XXYLT1: variants seen among roughly 807,000 people sequenced by gnomAD.
XXYLT1 encodes UDP-xylose:alpha-xyloside alpha-1,3-xylosyltransferase.
Under a neutral mutation model 28.9 loss-of-function variants are expected in XXYLT1, and 20 were observed. The observed-to-expected ratio is 0.69, with a 90% confidence interval of 0.49 to 1.00. The LOEUF (loss-of-function observed/expected upper bound fraction) is 1.00, where lower values mean the gene tolerates loss of function less well. Ranked by LOEUF, XXYLT1 falls within the 50% of genes least tolerant of loss-of-function variation. The pLI is 0.00. For synonymous variants in XXYLT1, 257 were observed against 253.8 expected (o/e 1.01, Z -0.12); for missense variants, 542 against 560.1 (o/e 0.97, Z 0.33).
intron 3 of XXYLT1, among the ~76,000 whole-genome samples, chr3:195,113,204 G>A (rs1177622927): frequency 2.0e-5 from 3 of 152,152 alleles, no homozygotes; most frequent in Non-Finnish European, 2.9e-5. Flanking sequence ...GGATGGAGCC[G>A]CCTCAGGAAA....
At chr3:195,171,313 T>A (rs987693880) in intron 2 of XXYLT1, among the ~76,000 whole-genome samples, 3 of 152,226 alleles carry the variant, frequency 2.0e-5, no homozygotes, top group African/African-American at 7.2e-5. Context: ...TGGGGTCTGT[T>A]ACCAGCGTCC....
chr3:195,258,665 C>A (rs1725567329), intron 1 of XXYLT1, among the ~76,000 whole-genome samples: 1 of 152,166 alleles, frequency 6.6e-6, no homozygotes, highest in African/African-American at 2.4e-5. Flanking sequence ...GGCTAGGGCC[C>A]CTGGGGAAGG....
intron 3 of XXYLT1, among the ~76,000 whole-genome samples, chr3:195,097,930 T>G (rs1043176661): frequency 1.3e-5 from 2 of 149,896 alleles, no homozygotes; most frequent in Non-Finnish European, 3.0e-5. Flanking sequence ...GAAAGGCTCA[T>G]GGAAGGTACT....
chr3:195,075,560 T>A (rs1715067120), intron 3 of XXYLT1, among the ~76,000 whole-genome samples: 1 of 152,160 alleles, frequency 6.6e-6, no homozygotes, highest in Non-Finnish European at 1.5e-5. Context: ...GCAGCACCGC[T>A]CAGACAAAGC....
At chr3:195,178,173 G>A (rs538644403) in intron 2 of XXYLT1, among the ~76,000 whole-genome samples, 20 of 150,732 alleles carry the variant, frequency 1.3e-4, no homozygotes, top group Non-Finnish European at 2.2e-4. Flanking sequence ...CCCATCCCTC[G>A]CTCTTCCCCT....
intron 2 of XXYLT1, among the ~76,000 whole-genome samples, chr3:195,224,839 G>A (rs1004514049): frequency 8.5e-5 from 13 of 152,216 alleles, no homozygotes; most frequent in African/African-American, 3.1e-4. Context: ...TGGGGAAACT[G>A]GTGAGGCCAA....
At chr3:195,244,912 T>C (rs1724952313) in intron 1 of XXYLT1, among the ~76,000 whole-genome samples, 2 of 146,030 alleles carry the variant, frequency 1.4e-5, no homozygotes, top group Non-Finnish European at 1.5e-5. Flanking sequence ...ACGCCTGTGA[T>C]CCCAGCACTT....
intron 3 of XXYLT1, among the ~76,000 whole-genome samples, chr3:195,142,225 GC>G (rs915960345): frequency 6.6e-6 from 1 of 152,186 alleles, no homozygotes; most frequent in Non-Finnish European, 1.5e-5. Context: ...TTGTCCTAGT[GC>G]CCCCTCCCCA....
intron 1 of XXYLT1, among the ~76,000 whole-genome samples, chr3:195,232,113 A>G (rs1179410492): frequency 1.3e-5 from 2 of 152,090 alleles, no homozygotes; most frequent in African/African-American, 4.8e-5. Flanking sequence ...CTATCTTAGT[A>G]GGTTGTATGT....
chr3:195,164,791 A>G (rs1047329394), intron 2 of XXYLT1, among the ~76,000 whole-genome samples: 5 of 152,226 alleles, frequency 3.3e-5, no homozygotes, highest in African/African-American at 1.2e-4. Context: ...ACATTTCATG[A>G]TGGATGTGGA....
intron 3 of XXYLT1, among the ~76,000 whole-genome samples, chr3:195,109,811 T>TGTGTGTGTG (rs1348136818): frequency 1.9e-5 from 1 of 52,660 alleles, no homozygotes; most frequent in African/African-American, 6.5e-5. Context: ...GGTGTATGAG[T>TGTGTGTGTG]GTGTGTGTGG....
chr3:195,217,075 C>A (rs1050991245), intron 2 of XXYLT1, among the ~76,000 whole-genome samples: 2 of 136,232 alleles, frequency 1.5e-5, no homozygotes, highest in African/African-American at 6.7e-5. Flanking sequence ...ATGATTATCT[C>A]AATAGATGCA....
In XXYLT1 at chr3:195,204,200, G is replaced by A. The variant is rs562088148; in HGVS notation, c.652+22509C>T. On this transcript the variant is annotated intron_variant, in intron 2 of 3. Transcript: ENST00000310380. ...TCTACTAAACATACAAAGATTAGCC[G>A]GACGTGGTGGCAGACGCCTGTAGTC... 3.0e-4 allele frequency among the ~76,000 whole-genome samples: 45 copies of A among 152,092 alleles called. 1 individual carries two copies. In the South Asian group the frequency reaches 8.5e-3, roughly 29 times the overall value.
intron 3 of XXYLT1, among the ~76,000 whole-genome samples, chr3:195,104,404 C>T (rs552963988): frequency 5.8e-4 from 89 of 152,246 alleles, no homozygotes; most frequent in Non-Finnish European, 1.1e-3. Context: ...TACAATACTT[C>T]ACTTCCCAGG....
intron 2 of XXYLT1, among the ~76,000 whole-genome samples, chr3:195,157,897 G>A (rs1417176198): frequency 2.0e-5 from 3 of 152,174 alleles, no homozygotes; most frequent in Non-Finnish European, 4.4e-5. Context: ...CTGCACCTCA[G>A]CTGTTCCATT....
Position 195,124,134 on chromosome 3 carries a change from A to AT in XXYLT1, c.785+32314dup, listed in dbSNP as rs1262178707. Reference sequence around the variant, plus strand: ...CTTTTCTTCCAGGACACATTCTGGGATTGGTGTTCCATGGAACTCACCTCG... The same window carrying AT: ...CTTTTCTTCCAGGACACATTCTGGGATTTGGTGTTCCATGGAACTCACCTCG... On this transcript the variant is annotated intron_variant, in intron 3 of 3. Transcript: ENST00000310380. The surrounding 1 kb of genome is among the most constrained non-coding windows in gnomAD (Gnocchi z 4.1). Among the ~76,000 whole-genome samples the AT allele has an allele frequency of 6.6e-6, 1 of 152,198 alleles. No individual in the cohort carries two copies. The highest frequency in any genetic ancestry group is 2.4e-5 in the African/African-American group (1 of 41,442).
intron 3 of XXYLT1, among the ~76,000 whole-genome samples, chr3:195,072,096 C>T (rs1222728461): frequency 6.6e-6 from 1 of 152,124 alleles, no homozygotes; most frequent in Non-Finnish European, 1.5e-5. Flanking sequence ...CAGGACCTCA[C>T]AGGGCACCAG....
chr3:195,211,142 CCAGCACTCTGG>C (rs2108778834), intron 2 of XXYLT1, among the ~76,000 whole-genome samples: 1 of 152,346 alleles, frequency 6.6e-6, no homozygotes, highest in South Asian at 2.1e-4. Context: ...GCCTGTAATC[CCAGCACTCTGG>C]GAGGCTGAAG....
chr3:195,082,015 C>T (rs1040400864), intron 3 of XXYLT1, among the ~76,000 whole-genome samples: 2 of 152,222 alleles, frequency 1.3e-5, no homozygotes, highest in African/African-American at 2.4e-5. Flanking sequence ...TGAACTCCAA[C>T]GATTGATGAT....
Sources: allele counts gnomAD v4.1 joint callset (sites outside exome capture counted in the v4.1 genomes callset), GRCh38; gene constraint gnomAD v4.1.1; non-coding constraint Gnocchi (gnomAD v3.1); transcripts MANE v1.5; gene names NCBI Gene and HGNC (gene_info 2026-07-23, HGNC 2026-07-21).